Variants in RUNDC3B observed in about 807,000 individuals in gnomAD.
RUNDC3B encodes the protein RUN domain-containing protein 3B.
RUNDC3B carries 33 observed loss-of-function variants against 58.4 expected under a neutral mutation model. The observed-to-expected ratio is 0.56, with a 90% CI of 0.43 to 0.75. The LOEUF (loss-of-function observed/expected upper bound fraction) is 0.75, where lower values mean the gene tolerates loss of function less well. Ranked by LOEUF, RUNDC3B falls within the 30% of genes least tolerant of loss-of-function variation. RUNDC3B has a pLI of 0.00. For synonymous variants in RUNDC3B, 193 were observed against 195.2 expected, an observed-to-expected ratio of 0.99 and a Z score of 0.10; for missense variants, 501 against 535.7, an observed-to-expected ratio of 0.94 and a Z score of 0.64.
intron 2 of RUNDC3B, among the ~76,000 whole-genome samples, chr7:87,673,912 T>A (rs1270214594): frequency 6.6e-6 from 1 of 151,980 alleles, no homozygotes; most frequent in Non-Finnish European, 1.5e-5. Context: ...TGCCCTTGGG[T>A]GTTTGATTGT....
intron 10 of RUNDC3B, among the ~76,000 whole-genome samples, chr7:87,828,737 C>T (rs1036059646): frequency 1.3e-5 from 2 of 152,144 alleles, no homozygotes; most frequent in Admixed American, 6.5e-5. Context: ...TGGATATATA[C>T]CCAGTAATGG....
intron 3 of RUNDC3B, among the ~76,000 whole-genome samples, chr7:87,705,121 TTTGTC>T (rs1368497153): frequency 6.6e-6 from 1 of 152,010 alleles, no homozygotes; most frequent in Non-Finnish European, 1.5e-5. Context: ...ATCTCATACT[TTTGTC>T]TAGGTTAAGA....
At chr7:87,786,669 C>T (rs2130898826) in intron 8 of RUNDC3B, among the ~76,000 whole-genome samples, 1 of 151,836 alleles carries the variant, frequency 6.6e-6, no homozygotes, top group East Asian at 1.9e-4. Flanking sequence ...ATGCTTTTAA[C>T]ATAAAATAAT....
rs1181324531 is a variant in RUNDC3B, at chr7:87,680,098, C to T, written c.239-20323C>T. ...GTGTCCATGTGTTCTCGTTGTTCAA[C>T]TTCCACTTATGAGTGAGAACATGCA... On this transcript the variant is annotated intron_variant, in intron 2 of 10. Transcript: ENST00000394654. 1.3e-5 allele frequency among the ~76,000 whole-genome samples: 2 copies of T among 150,294 alleles called. 1 individual carries two copies.
Position 87,824,862 on chromosome 7 carries a change from G to A in RUNDC3B, c.1226-5023G>A, listed in dbSNP as rs569222459. ...CTGCCATAGAGACTTGTGGAACTTT[G>A]AACTTGAAAGAGATGATTTAGGGTA... On this transcript the variant is annotated intron_variant, in intron 10 of 10. Transcript: ENST00000394654. 1.2e-3 allele frequency among the ~76,000 whole-genome samples: 188 copies of A among 152,304 alleles called. 2 individuals carry two copies. The highest frequency in any genetic ancestry group is 4.3e-3 in the African/African-American group (179 of 41,558).
intron 8 of RUNDC3B, among the ~76,000 whole-genome samples, chr7:87,793,535 C>T (rs562979526): frequency 2.0e-5 from 3 of 152,194 alleles, no homozygotes; most frequent in South Asian, 4.1e-4. Context: ...GCAAAGCAAT[C>T]AGTGTGATAC....
intron 8 of RUNDC3B, among the ~76,000 whole-genome samples, chr7:87,796,919 C>T (rs962514867): frequency 1.3e-5 from 2 of 152,088 alleles, no homozygotes; most frequent in African/African-American, 2.4e-5. Flanking sequence ...GACAATGGTT[C>T]GTAACTCAAC....
intron 10 of RUNDC3B, among the ~76,000 whole-genome samples, chr7:87,818,536 T>C (rs1837206137): frequency 6.6e-6 from 1 of 152,068 alleles, no homozygotes; most frequent in Admixed American, 6.6e-5. Context: ...GTGATGCAGG[T>C]TTGAATCAGC....
intron 8 of RUNDC3B, among the ~76,000 whole-genome samples, chr7:87,793,725 G>T (rs1835655460): frequency 6.6e-6 from 1 of 152,088 alleles, no homozygotes; most frequent in Non-Finnish European, 1.5e-5. Flanking sequence ...TCCACAGCTA[G>T]TATACTGAAT....
intron 8 of RUNDC3B, among the ~76,000 whole-genome samples, chr7:87,797,619 C>G (rs1445379839): frequency 2.6e-5 from 4 of 152,054 alleles, no homozygotes; most frequent in Non-Finnish European, 4.4e-5. Context: ...AGCTGTTAGT[C>G]ATTTCATACT....
intron 1 of RUNDC3B, among the ~76,000 whole-genome samples, chr7:87,634,550 A>G (rs1821566506): frequency 6.7e-6 from 1 of 149,486 alleles, no homozygotes; most frequent in Admixed American, 6.7e-5. Flanking sequence ...AATCACTTGA[A>G]CCCTGGGGCG....
chr7:87,693,492 CA>C (rs769675005), intron 2 of RUNDC3B, among the ~76,000 whole-genome samples: 2 of 152,040 alleles, frequency 1.3e-5, no homozygotes, highest in African/African-American at 2.4e-5. Context: ...CATATAGTTC[CA>C]AAGTGAGTGA....
intron 3 of RUNDC3B, among the ~76,000 whole-genome samples, chr7:87,705,262 T>G (rs1445275432): frequency 6.6e-6 from 1 of 152,058 alleles, no homozygotes; most frequent in African/African-American, 2.4e-5. Flanking sequence ...CTGTCTCTAC[T>G]TAAAATATGA....
chr7:87,814,432 A>T (rs34399169), intron 9 of RUNDC3B, among the ~76,000 whole-genome samples: 3,996 of 152,268 alleles, frequency 0.026, 77 homozygotes, highest in South Asian at 0.042. Flanking sequence ...AGGAAGCCAA[A>T]TCTTTTCTTC....
intron 8 of RUNDC3B, among the ~76,000 whole-genome samples, chr7:87,799,242 C>T (rs1835987774): frequency 6.6e-6 from 1 of 152,184 alleles, no homozygotes; most frequent in African/African-American, 2.4e-5. Context: ...TAGTTCCTAC[C>T]CTTATAGAGT....
At chr7:87,722,986 T>C (rs944159290) in intron 4 of RUNDC3B, among the ~76,000 whole-genome samples, 1 of 152,192 alleles carries the variant, frequency 6.6e-6, no homozygotes, top group African/African-American at 2.4e-5. Context: ...AAGTTGTAGT[T>C]CCATATTGTT....
At chr7:87,789,870 C>T (rs1012889536) in intron 8 of RUNDC3B, among the ~76,000 whole-genome samples, 3 of 152,198 alleles carry the variant, frequency 2.0e-5, no homozygotes, top group Non-Finnish European at 2.9e-5. Context: ...TATAACAGAA[C>T]ATAAAGTAAA....
chr7:87,801,950 A>T (rs1376176218), intron 8 of RUNDC3B, among the ~76,000 whole-genome samples: 1 of 152,128 alleles, frequency 6.6e-6, no homozygotes, highest in Non-Finnish European at 1.5e-5. Context: ...TTTTTGCTGA[A>T]TTTTTTTCAA....
rs545884987 is a variant in RUNDC3B, at chr7:87,770,500, C to T, written c.630-81C>T. 1.7e-4 allele frequency: 184 copies of T among 1,074,310 alleles called. 2 individuals carry two copies. In the Middle Eastern group the frequency reaches 6.3e-3, roughly 37 times the overall value. 66.5% of individuals were successfully genotyped at this position (1,074,310 alleles called of 1,614,324 possible). A position where few individuals can be genotyped will look rare whatever the true frequency, so the allele number is the denominator to read the frequency against. On this transcript the variant is annotated intron_variant, in intron 6 of 10. Coordinates refer to ENST00000394654, the MANE Select transcript of RUNDC3B (RefSeq NM_001134405.2). ...ACTAAATATTTTCGAATTTGTTCAC[C>T]GTAGCTTGCAAATGTAAAAGTGTTT...
Sources: allele counts gnomAD v4.1 joint callset (sites outside exome capture counted in the v4.1 genomes callset), GRCh38; gene constraint gnomAD v4.1.1; transcripts MANE v1.5; gene names NCBI Gene and HGNC (gene_info 2026-07-23, HGNC 2026-07-21).